FANK1: variants seen among roughly 807,000 people sequenced by gnomAD.
The protein encoded by FANK1 is fibronectin type III and ankyrin repeat domains 1, also known as fibronectin type 3 and ankyrin repeat domains protein 1.
Under a neutral mutation model 45.3 loss-of-function variants are expected in FANK1, and 44 were observed. The observed-to-expected ratio is 0.97, with a 90% CI of 0.76 to 1.25. FANK1 has a LOEUF of 1.25. FANK1 is among the 50% of genes most tolerant of loss of function. The pLI, the probability that FANK1 is intolerant of heterozygous loss-of-function variation, is 0.00. For missense variants in FANK1, 391 were observed against 424.4 expected, an observed-to-expected ratio of 0.92 and a Z score of 0.69; for synonymous variants, 149 against 152.5, an observed-to-expected ratio of 0.98 and a Z score of 0.17.
At chr10:125,920,958 C>T (rs1193637681) in intron 1 of FANK1, among the ~76,000 whole-genome samples, 12 of 152,228 alleles carry the variant, frequency 7.9e-5, no homozygotes, top group Admixed American at 2.0e-4. Context: ...TTTCACTCAT[C>T]AATCAGAAGA....
chr10:125,951,504 C>G (rs1456802523), intron 1 of FANK1, among the ~76,000 whole-genome samples: 1 of 152,160 alleles, frequency 6.6e-6, no homozygotes, highest in East Asian at 1.9e-4. Flanking sequence ...TCAACACATT[C>G]ATTGAAACAA....
intron 1 of FANK1, among the ~76,000 whole-genome samples, chr10:125,955,006 A>G (rs1188744028): frequency 6.6e-6 from 1 of 152,162 alleles, no homozygotes; most frequent in African/African-American, 2.4e-5. Flanking sequence ...ACAACTGCCG[A>G]CACTCATAAC....
intron 1 of FANK1, among the ~76,000 whole-genome samples, chr10:125,919,235 T>G (rs1333462712): frequency 8.7e-6 from 1 of 115,108 alleles, no homozygotes; most frequent in Non-Finnish European, 1.7e-5. Context: ...TGACAGAGTC[T>G]TGCTCTGTCC....
At chr10:125,912,216 ACTC>A (rs1946070704) in intron 1 of FANK1, among the ~76,000 whole-genome samples, 1 of 152,038 alleles carries the variant, frequency 6.6e-6, no homozygotes, top group African/African-American at 2.4e-5. Flanking sequence ...GGAGGCAGCC[ACTC>A]CTCATCGATT....
At chr10:125,989,295 A>G (rs1951771794) in intron 3 of FANK1, 2 of 1,550,548 alleles carry the variant, frequency 1.3e-6, no homozygotes, top group African/African-American at 2.7e-5. Flanking sequence ...TCTCTGAGCA[A>G]GAGCCTTGTA....
intron 2 of FANK1, among the ~76,000 whole-genome samples, chr10:125,981,154 G>A (rs897225483): frequency 6.6e-6 from 1 of 152,192 alleles, no homozygotes; most frequent in African/African-American, 2.4e-5. Flanking sequence ...AGTGCTGGCT[G>A]TTATATAGCA....
intron 1 of FANK1, among the ~76,000 whole-genome samples, chr10:125,944,159 G>GAGTA (rs1275473606): frequency 6.6e-6 from 1 of 152,210 alleles, no homozygotes; most frequent in Non-Finnish European, 1.5e-5. Flanking sequence ...TTCTGTTTTA[G>GAGTA]AGTAGCACAC....
intron 3 of FANK1, among the ~76,000 whole-genome samples, chr10:125,995,183 G>A (rs541637570): frequency 1.3e-5 from 2 of 152,262 alleles, no homozygotes; most frequent in Admixed American, 6.5e-5. Context: ...AAGCAATACT[G>A]TATAACTTGG....
intron 1 of FANK1, among the ~76,000 whole-genome samples, chr10:125,903,994 A>C (rs149840110): frequency 5.1e-4 from 78 of 151,992 alleles, no homozygotes; most frequent in African/African-American, 1.7e-3. Flanking sequence ...GGACCACAGA[A>C]TGTGATCCCA....
At chr10:125,969,161 C>T (rs1176094899) in intron 1 of FANK1, among the ~76,000 whole-genome samples, 1 of 151,998 alleles carries the variant, frequency 6.6e-6, no homozygotes, top group Non-Finnish European at 1.5e-5. Flanking sequence ...TGAAAAGATC[C>T]TACCAATTAT....
rs112886775 is a variant in FANK1 at position 125,990,073 on chromosome 10, G to A, written c.316+1398G>A. ...CTCCATGGGCAAGCATGGCAGGGGC[G>A]ATTCCTCGTGTGGCTTTCCCCTCCT... On this transcript the variant is annotated intron_variant, in intron 3 of 10. Transcript: ENST00000368693. Among the ~76,000 whole-genome samples the A allele has an allele frequency of 2.9e-3, 437 of 152,240 alleles. 1 individual carries two copies. The highest frequency in any genetic ancestry group is 1.0e-2 in the African/African-American group (414 of 41,552).
chr10:125,964,186 C>CTTTTTTTTTTT (rs71486557), intron 1 of FANK1, among the ~76,000 whole-genome samples: 2 of 78,392 alleles, frequency 2.6e-5, no homozygotes, highest in Non-Finnish European at 2.2e-5. Context: ...TTCTCTCTCT[C>CTTTTTTTTTTT]TTTTTTTTTT....
chr10:125,898,797 CTGAGGAA>C (rs1447019985), intron 1 of FANK1, among the ~76,000 whole-genome samples: 1 of 151,894 alleles, frequency 6.6e-6, no homozygotes, highest in Non-Finnish European at 1.5e-5. Context: ...TAATTTATAC[CTGAGGAA>C]TGACTGTAAA....
At chr10:125,932,129 A>G (rs1407047724) in intron 1 of FANK1, among the ~76,000 whole-genome samples, 4 of 152,188 alleles carry the variant, frequency 2.6e-5, no homozygotes, top group African/African-American at 7.2e-5. Flanking sequence ...GAAATCAGGT[A>G]GTGTGATGCC....
intron 1 of FANK1, among the ~76,000 whole-genome samples, chr10:125,966,035 T>A (rs544308683): frequency 2.6e-5 from 4 of 152,328 alleles, no homozygotes; most frequent in African/African-American, 9.6e-5. Flanking sequence ...CCACTTTTCC[T>A]GATGAGGAAT....
chr10:125,947,670 C>CT (rs1050501479), intron 1 of FANK1, among the ~76,000 whole-genome samples: 1 of 150,164 alleles, frequency 6.7e-6, no homozygotes, highest in African/African-American at 2.4e-5. Flanking sequence ...TAATGGGAGA[C>CT]TTTAACACCC....
At chr10:125,943,713 A>G (rs1436073297) in intron 1 of FANK1, among the ~76,000 whole-genome samples, 4 of 152,216 alleles carry the variant, frequency 2.6e-5, no homozygotes, top group Non-Finnish European at 5.9e-5. Context: ...GTGCTACAAG[A>G]TCTCAATGCT....
intron 4 of FANK1, among the ~76,000 whole-genome samples, chr10:125,995,728 A>G (rs1391218958): frequency 6.6e-6 from 1 of 152,088 alleles, no homozygotes; most frequent in Non-Finnish European, 1.5e-5. Context: ...TGTAAAAGGA[A>G]TTACAAGGCT....
chr10:125,940,659 C>T (rs1240519377), intron 1 of FANK1, among the ~76,000 whole-genome samples: 1 of 152,060 alleles, frequency 6.6e-6, no homozygotes, highest in Non-Finnish European at 1.5e-5. Flanking sequence ...GGATCATTTA[C>T]AGGTGTCGGG....
Sources: allele counts gnomAD v4.1 joint callset (sites outside exome capture counted in the v4.1 genomes callset), GRCh38; gene constraint gnomAD v4.1.1; transcripts MANE v1.5; gene names NCBI Gene and HGNC (gene_info 2026-07-23, HGNC 2026-07-21).